Variants in ADK observed in about 807,000 individuals in gnomAD.
The protein encoded by ADK is adenosine kinase.
Under a neutral mutation model 44.7 loss-of-function variants are expected in ADK, and 24 were observed. The observed-to-expected ratio is 0.54, with a 90% CI of 0.39 to 0.76. The LOEUF is 0.76. ADK is among the 30% of genes least tolerant of loss of function. The pLI is 0.00. For synonymous variants in ADK, 128 were observed against 142.6 expected, an observed-to-expected ratio of 0.90 and a Z score of 0.73; for missense variants, 321 against 425.1, an observed-to-expected ratio of 0.76 and a Z score of 2.15.
intron 1 of ADK, among the ~76,000 whole-genome samples, chr10:74,163,260 C>G (rs1460430526): frequency 3.9e-5 from 6 of 152,216 alleles, no homozygotes; most frequent in Non-Finnish European, 7.3e-5. Context: ...GCCACTGTGC[C>G]CGGCCAACAG....
intron 9 of ADK, among the ~76,000 whole-genome samples, chr10:74,614,909 A>G (rs1022927348): frequency 7.2e-5 from 11 of 152,164 alleles, no homozygotes; most frequent in Admixed American, 2.0e-4. Context: ...ATAATAACCT[A>G]TGTATACTCA....
At chr10:74,670,418 T>C (rs1032829485) in intron 10 of ADK, 149 bp downstream of exon 10, 41 of 678,292 alleles carry the variant, frequency 6.0e-5, no homozygotes, top group Non-Finnish European at 1.0e-4. Context: ...ACTTCTATCA[T>C]TGTCAGTATT....
At chr10:74,426,894 C>T (rs1241356141) in intron 6 of ADK, among the ~76,000 whole-genome samples, 2 of 151,990 alleles carry the variant, frequency 1.3e-5, no homozygotes, top group African/African-American at 2.4e-5. Context: ...CTGCACCCAT[C>T]AACTATCACC....
chr10:74,232,300 G>T (rs545640172), intron 3 of ADK, among the ~76,000 whole-genome samples: 1 of 152,164 alleles, frequency 6.6e-6, no homozygotes, highest in East Asian at 1.9e-4. Context: ...AGGTAGATCA[G>T]TTGAGCTCAG....
intron 3 of ADK, among the ~76,000 whole-genome samples, chr10:74,271,717 C>T (rs1348055610): frequency 6.6e-6 from 1 of 150,480 alleles, no homozygotes; most frequent in African/African-American, 2.4e-5. Context: ...CCAATTTCAT[C>T]CATGTCCCTA....
chr10:74,161,155 C>G (rs971111343), intron 1 of ADK, among the ~76,000 whole-genome samples: 5 of 152,204 alleles, frequency 3.3e-5, no homozygotes, highest in Admixed American at 2.0e-4. Context: ...CATAACTGAT[C>G]ACTTCATTGC....
At chr10:74,571,494 A>G (rs1409219805) in intron 7 of ADK, among the ~76,000 whole-genome samples, 3 of 152,130 alleles carry the variant, frequency 2.0e-5, no homozygotes, top group East Asian at 1.9e-4. Context: ...CAGAGAGTCA[A>G]CTTCTTCCTG....
At chr10:74,541,799 C>CCG (rs889727486) in intron 7 of ADK, among the ~76,000 whole-genome samples, 1 of 132,728 alleles carries the variant, frequency 7.5e-6, no homozygotes, top group Admixed American at 7.5e-5. Flanking sequence ...CACACACCCC[C>CCG]CCCCCCTAAA....
At chr10:74,469,445 T>G (rs1564739415) in intron 6 of ADK, among the ~76,000 whole-genome samples, 1 of 152,152 alleles carries the variant, frequency 6.6e-6, no homozygotes, top group Non-Finnish European at 1.5e-5. Flanking sequence ...CACTGTAACC[T>G]TGAACTCCTG....
intron 6 of ADK, among the ~76,000 whole-genome samples, chr10:74,411,473 G>A (rs1183745582): frequency 6.6e-6 from 1 of 152,174 alleles, no homozygotes; most frequent in African/African-American, 2.4e-5. Context: ...TAAAAGTTAT[G>A]TTTACACTAT....
intron 7 of ADK, among the ~76,000 whole-genome samples, chr10:74,583,277 G>A (rs984447502): frequency 6.6e-6 from 1 of 152,130 alleles, no homozygotes; most frequent in African/African-American, 2.4e-5. Flanking sequence ...ACATTCTAGT[G>A]GTAGGAGACT....
intron 4 of ADK, among the ~76,000 whole-genome samples, chr10:74,391,652 TACACACACACACACACACAC>T (rs71475280): frequency 2.7e-5 from 2 of 74,250 alleles, no homozygotes; most frequent in Non-Finnish European, 7.6e-5. Context: ...GGCAAGAATA[TACACACACACACACACACAC>T]ACACACACAC....
At chr10:74,593,138 G>GT (rs1011630940) in intron 8 of ADK, among the ~76,000 whole-genome samples, 2 of 152,198 alleles carry the variant, frequency 1.3e-5, no homozygotes, top group African/African-American at 4.8e-5. Flanking sequence ...ATCACTCAGA[G>GT]TTTCAGAGTT....
At chr10:74,189,421 T>A (rs924510329) in intron 1 of ADK, among the ~76,000 whole-genome samples, 4 of 152,226 alleles carry the variant, frequency 2.6e-5, no homozygotes, top group African/African-American at 9.6e-5. Flanking sequence ...GTGGTCTGTT[T>A]TGGTGAATGT....
At chr10:74,421,235 T>G (rs1200884220) in intron 6 of ADK, among the ~76,000 whole-genome samples, 1 of 152,172 alleles carries the variant, frequency 6.6e-6, no homozygotes, top group Non-Finnish European at 1.5e-5. Context: ...AACACTCTAT[T>G]CTAGTTGGTA....
chr10:74,551,215 T>G (rs1484008307), intron 7 of ADK, among the ~76,000 whole-genome samples: 1 of 152,168 alleles, frequency 6.6e-6, no homozygotes, highest in Non-Finnish European at 1.5e-5. Context: ...GATATTCATA[T>G]GGAAAAAATT....
At chr10:74,411,589 C>T (rs370194810) in intron 6 of ADK, among the ~76,000 whole-genome samples, 3 of 152,236 alleles carry the variant, frequency 2.0e-5, no homozygotes, top group African/African-American at 4.8e-5. Flanking sequence ...GAGCCTTTAG[C>T]GAGTAATAAT....
chr10:74,513,079 C>T (rs935689263), intron 6 of ADK, among the ~76,000 whole-genome samples: 1 of 151,954 alleles, frequency 6.6e-6, no homozygotes, highest in Non-Finnish European at 1.5e-5. Context: ...AAATGATTCT[C>T]TTGTTATAGA....
chr10:74,174,817 A>G (rs113178609), intron 1 of ADK, among the ~76,000 whole-genome samples: 1 of 152,248 alleles, frequency 6.6e-6, no homozygotes, highest in African/African-American at 2.4e-5. Context: ...TTTATAGACC[A>G]TGGCTTCATT....
Sources: gnomAD v4.1 joint callset for allele counts (sites outside exome capture counted in the v4.1 genomes callset) on GRCh38, gnomAD v4.1.1 for gene constraint, MANE v1.5 for transcripts, NCBI Gene and HGNC (gene_info 2026-07-23, HGNC 2026-07-21) for gene names.